Variants in ERBIN observed in about 807,000 individuals in gnomAD.
The protein encoded by ERBIN is erbb2 interacting protein, also known as densin-180-like protein.
ERBIN carries 60 observed loss-of-function variants against 158.4 expected under a neutral mutation model. The ratio of observed to expected loss-of-function variants is 0.38; its 90% CI spans 0.31 to 0.47. The LOEUF is 0.47. ERBIN is among the 20% of genes least tolerant of loss of function. The probability of loss-of-function intolerance (pLI) is 0.99; values close to 1 mark genes in which losing one functional copy is unlikely to be tolerated. For missense variants in ERBIN, 1,610 were observed against 1,648.0 expected (o/e 0.98, Z 0.40); for synonymous variants, 594 against 557.2 (o/e 1.07, Z -0.93).
At chr5:65,974,232 T>C (rs1004051649) in intron 1 of ERBIN, among the ~76,000 whole-genome samples, 1 of 152,222 alleles carries the variant, frequency 6.6e-6, no homozygotes, top group Non-Finnish European at 1.5e-5. Context: ...GGACTTATTA[T>C]GATGTGGAGC....
intron 1 of ERBIN, among the ~76,000 whole-genome samples, chr5:65,975,719 A>C (rs528522587): frequency 6.6e-6 from 1 of 152,256 alleles, no homozygotes; most frequent in Non-Finnish European, 1.5e-5. Flanking sequence ...AAGTCAGTGC[A>C]TGTGGACAAC....
chr5:65,997,681 C>A (rs1752579894), intron 4 of ERBIN, among the ~76,000 whole-genome samples: 1 of 152,052 alleles, frequency 6.6e-6, no homozygotes, highest in African/African-American at 2.4e-5. Context: ...GGGGAAAAAA[C>A]TTTATAAACA....
At chr5:65,927,103 G>A (rs1742749055) in intron 1 of ERBIN, among the ~76,000 whole-genome samples, 2 of 151,760 alleles carry the variant, frequency 1.3e-5, no homozygotes, top group South Asian at 4.2e-4. Context: ...GTTCAGCACA[G>A]GGGCCAGAAG....
intron 1 of ERBIN, among the ~76,000 whole-genome samples, chr5:65,952,713 C>G (rs1224161377): frequency 6.6e-6 from 1 of 151,996 alleles, no homozygotes; most frequent in Non-Finnish European, 1.5e-5. Context: ...TTACAGATAC[C>G]TTGTATATTA....
chr5:65,977,513 C>T (rs1750102000), intron 1 of ERBIN, among the ~76,000 whole-genome samples: 1 of 151,424 alleles, frequency 6.6e-6, no homozygotes, highest in Non-Finnish European at 1.5e-5. Context: ...CCTCACATCC[C>T]GGACGGGGCG....
chr5:65,981,784 TTG>T (rs1258906039), intron 1 of ERBIN, among the ~76,000 whole-genome samples: 4 of 152,208 alleles, frequency 2.6e-5, no homozygotes, highest in Non-Finnish European at 1.5e-5. Flanking sequence ...TCAGGCTTCT[TTG>T]TGGCATTGTA....
intron 10 of ERBIN, 94 bp downstream of exon 10, chr5:66,024,544 C>A: frequency 8.2e-7 from 1 of 1,214,556 alleles, no homozygotes; most frequent in Non-Finnish European, 1.1e-6. Context: ...GGTAGTTATA[C>A]TTCGTTACCA....
intron 7 of ERBIN, among the ~76,000 whole-genome samples, chr5:66,019,249 A>G (rs1011906520): frequency 6.6e-6 from 1 of 152,176 alleles, no homozygotes; most frequent in Non-Finnish European, 1.5e-5. Flanking sequence ...ACAAGAGGAT[A>G]TAGTTTTAAG....
At chr5:66,027,333 C>T (rs767897098) in intron 13 of ERBIN, among the ~76,000 whole-genome samples, 12 of 152,110 alleles carry the variant, frequency 7.9e-5, no homozygotes, top group East Asian at 3.9e-4. Flanking sequence ...TTAATTCCTA[C>T]GGCCCACAGT....
chr5:65,993,479 T>C (rs1164040356), intron 3 of ERBIN, among the ~76,000 whole-genome samples: 3 of 151,034 alleles, frequency 2.0e-5, no homozygotes, highest in African/African-American at 7.3e-5. Flanking sequence ...TATCACCTTG[T>C]TTTTTTTTCA....
rs1762412336 is a variant in ERBIN, at chr5:66,082,120, C to G, written c.*3590C>G. 6.6e-6 allele frequency: 1 copy of G among 152,144 alleles called. No homozygotes were observed. Among genetic ancestry groups the G allele is most frequent in the Non-Finnish European group, 1.5e-5 (1 of 68,032 alleles). 9.4% of individuals were successfully genotyped at this position (152,144 alleles called of 1,614,324 possible). ...TCTACAGTCTCATGAAGCAGTTTTTCAAGATTAGAATCTGTGGTCAGCTAT... is the reference window on the plus strand; with the variant it reads ...TCTACAGTCTCATGAAGCAGTTTTTGAAGATTAGAATCTGTGGTCAGCTAT... On this transcript the variant is annotated 3_prime_UTR_variant, in exon 26 of 26. Transcript: ENST00000284037.
intron 4 of ERBIN, among the ~76,000 whole-genome samples, chr5:65,997,866 A>C (rs1389054599): frequency 6.6e-6 from 1 of 152,102 alleles, no homozygotes; most frequent in East Asian, 1.9e-4. Flanking sequence ...GCTTATTAGA[A>C]TTCATCCTGT....
chr5:65,930,409 G>A (rs774841942), intron 1 of ERBIN, among the ~76,000 whole-genome samples: 3 of 152,170 alleles, frequency 2.0e-5, no homozygotes, highest in Non-Finnish European at 4.4e-5. Flanking sequence ...CCAGGTTCAC[G>A]CCATTCTCCT....
At chr5:65,952,149 C>T (rs1746578556) in intron 1 of ERBIN, among the ~76,000 whole-genome samples, 1 of 152,004 alleles carries the variant, frequency 6.6e-6, no homozygotes, top group Non-Finnish European at 1.5e-5. Context: ...ACAGGATACT[C>T]TTATTTTTAT....
intron 1 of ERBIN, among the ~76,000 whole-genome samples, chr5:65,956,244 G>T (rs577357239): frequency 1.3e-5 from 2 of 152,164 alleles, no homozygotes; most frequent in East Asian, 3.9e-4. Flanking sequence ...AAGGCCCTTC[G>T]GGGTGTGGGT....
At chr5:65,989,127 T>C (rs1183940196) in intron 2 of ERBIN, among the ~76,000 whole-genome samples, 1 of 152,080 alleles carries the variant, frequency 6.6e-6, no homozygotes, top group Non-Finnish European at 1.5e-5. Flanking sequence ...ATACCTGAAA[T>C]TCTAATGAGC....
intron 1 of ERBIN, among the ~76,000 whole-genome samples, chr5:65,967,293 G>T (rs1340810947): frequency 3.9e-5 from 6 of 152,058 alleles, no homozygotes; most frequent in Non-Finnish European, 7.4e-5. Flanking sequence ...GTCTGCAGTA[G>T]TGTACAGTAG....
rs539492787 is a variant in ERBIN at position 65,978,382 on chromosome 5, GA to G, written c.-57-10244del. Among the ~76,000 whole-genome samples the G allele has an allele frequency of 6.6e-4, 100 of 151,012 alleles. 2 individuals carry two copies. Among genetic ancestry groups the G allele is most frequent in the Non-Finnish European group, 1.4e-3 (92 of 67,730 alleles). ...TGTGGAATGAACGACTTTTTCTGTT[GA>G]AAAAAAAATTGAGGCTCTCTTGTTT... is the stretch of plus-strand genomic sequence containing the variant. On this transcript the variant is annotated intron_variant, in intron 1 of 25. Transcript: ENST00000284037.
chr5:66,011,929 C>G (rs1305006146), intron 4 of ERBIN, 120 bp from the exon 5 acceptor site: 7 of 540,172 alleles, frequency 1.3e-5, no homozygotes, highest in Non-Finnish European at 2.3e-5. Context: ...GTTGTCAGTT[C>G]ATCTAGTTCC....
Sources: allele counts gnomAD v4.1 joint callset (sites outside exome capture counted in the v4.1 genomes callset), GRCh38; gene constraint gnomAD v4.1.1; transcripts MANE v1.5; gene names NCBI Gene and HGNC (gene_info 2026-07-23, HGNC 2026-07-21).